ENOSF1: variants seen among roughly 807,000 people sequenced by gnomAD.
ENOSF1 encodes mitochondrial enolase superfamily member 1.
ENOSF1 carries 73 observed loss-of-function variants against 68.2 expected under a neutral mutation model. That is an observed-to-expected ratio of 1.07 (90% confidence interval 0.89 to 1.30). The LOEUF (loss-of-function observed/expected upper bound fraction) is 1.30. Ranked by LOEUF, ENOSF1 falls within the 50% of genes most tolerant of loss-of-function variation. ENOSF1 has a pLI of 0.00. For missense variants in ENOSF1, 589 were observed against 554.5 expected (o/e 1.06, Z -0.62); for synonymous variants, 223 against 210.4 (o/e 1.06, Z -0.52).
At chr18:668,848 A>C (rs993424097), downstream of ENOSF1, among the ~76,000 whole-genome samples, 24 of 152,108 alleles carry the variant, frequency 1.6e-4, no homozygotes, top group East Asian at 1.9e-4. Flanking sequence ...GTAGAAGAGG[A>C]AAAAGACTTT....
chr18:700,235 C>T (rs921974424), intron 2 of ENOSF1, among the ~76,000 whole-genome samples: 6 of 152,144 alleles, frequency 3.9e-5, no homozygotes, highest in Non-Finnish European at 7.3e-5. Context: ...ATGGGATACA[C>T]AATCATTCTG....
In ENOSF1 at chr18:683,480, C is replaced by A. The variant is rs1030935412; in HGVS notation, c.742-100G>T. ...AAATGCTGTCACTCAGTGCCACCAACAGCTGAGTGAGACCCCCTAACGCCT... is the reference window on the plus strand; with the variant it reads ...AAATGCTGTCACTCAGTGCCACCAAAAGCTGAGTGAGACCCCCTAACGCCT... On this transcript the variant is annotated intron_variant, in intron 10 of 15. Coordinates refer to ENST00000647584, the MANE Select transcript of ENOSF1 (RefSeq NM_017512.7). The A allele has an allele frequency of 1.6e-5, 22 of 1,410,310 alleles. No individual in the cohort carries two copies. In the East Asian group the frequency reaches 1.6e-4, roughly 10 times the overall value. The allele number at this position is 1,410,310 out of a possible 1,614,324, so 87.4% of individuals were successfully genotyped here. A position where few individuals can be genotyped will look rare whatever the true frequency, so the allele number is the denominator to read the frequency against.
In ENOSF1 at chr18:672,234, C is replaced by CA. The variant is rs1281948552; in HGVS notation, c.*2070dup. ...TTCATGAGCCTTAAGGAAAAAAACT[C>CA]AGAACCAGACACTTTTTAGCCCCTT... On this transcript the variant is annotated 3_prime_UTR_variant, in exon 16 of 16. Coordinates refer to ENST00000647584, the MANE Select transcript of ENOSF1 (RefSeq NM_017512.7). 2.0e-5 allele frequency: 3 copies of CA among 152,284 alleles called. No individual in the cohort carries two copies. The East Asian group carries it at 5.8e-4, about 29-fold the overall frequency. 9.4% of individuals were successfully genotyped at this position (152,284 alleles called of 1,614,324 possible).
chr18:683,185 A>G (rs1307826078), intron 11 of ENOSF1, 61 bp downstream of exon 11: 4 of 1,603,480 alleles, frequency 2.5e-6, no homozygotes, highest in Non-Finnish European at 3.4e-6. Flanking sequence ...ATCTGTCCCC[A>G]GCACTCTGGA....
chr18:696,208 T>C (rs1168546566), intron 3 of ENOSF1, among the ~76,000 whole-genome samples: 3 of 140,940 alleles, frequency 2.1e-5, no homozygotes, highest in East Asian at 2.1e-4. Flanking sequence ...CTCTCTCTTT[T>C]TTTTTTTTTT....
chr18:671,308 CTAA>C lies in ENOSF1; in HGVS notation c.*2994_*2996del. Reference sequence around the variant, plus strand: ...AAAAGCCTTGCGGTGTCTGCATATTCTAATGTTTTTAAATGATGTTTTAAAGAA... The same window carrying C: ...AAAAGCCTTGCGGTGTCTGCATATTCTGTTTTTAAATGATGTTTTAAAGAA... On this transcript the variant is annotated 3_prime_UTR_variant, in exon 16 of 16. Transcript: ENST00000647584. The C allele has an allele frequency of 9.8e-7, 1 of 1,025,476 alleles. No homozygotes were observed. The highest frequency in any genetic ancestry group is 1.5e-6 in the Non-Finnish European group (1 of 646,952). 63.5% of individuals were successfully genotyped at this position (1,025,476 alleles called of 1,614,324 possible).
Position 712,510 on chromosome 18 carries a change from G to T in ENOSF1, c.78C>A (p.Asp26Glu), listed in dbSNP as rs1013489148. 3.9e-6 allele frequency: 6 copies of T among 1,538,308 alleles called. No homozygotes were observed. The highest frequency in any genetic ancestry group is 1.4e-5 in the African/African-American group (1 of 72,904). ...FPTSLGGHGA[D>E]AMHTDPDYSA... The stretch of plus-strand genomic sequence containing the variant: ...CCATGGCGTCCGCGCTTACCATGGC[G>T]TCCGCGCCGTGGCCCCCAAGCGACG... The change falls in exon 1 of 16, where the codon GAC becomes GAA. Residue 26 changes from aspartate (D) to glutamate (E), a missense_variant. By Grantham distance (45) the Asp-to-Glu change is conservative. Coordinates refer to ENST00000647584, the MANE Select transcript of ENOSF1 (RefSeq NM_017512.7).
In ENOSF1 at chr18:671,000, A is replaced by G. The variant is rs996395178; in HGVS notation, c.*3305T>C. The G allele has an allele frequency of 6.0e-5, 65 of 1,080,572 alleles. No homozygotes were observed. The highest frequency in any genetic ancestry group is 7.8e-5 in the East Asian group (3 of 38,562). 66.9% of individuals were successfully genotyped at this position (1,080,572 alleles called of 1,614,324 possible). On this transcript the variant is annotated 3_prime_UTR_variant, in exon 16 of 16. Transcript: ENST00000647584. ...TTTGATATGTGTAAGTAAGAAATGA[A>G]CCAGCTTTTACTTTGAAACCTTCCT...
At chr18:680,564 C>T (rs1408001179) in intron 11 of ENOSF1, among the ~76,000 whole-genome samples, 1 of 152,082 alleles carries the variant, frequency 6.6e-6, no homozygotes, top group Admixed American at 6.6e-5. Flanking sequence ...CCCATCCCTG[C>T]CTGGGTTTCT....
intron 5 of ENOSF1, 52 bp from the exon 6 acceptor site, chr18:691,328 A>T: frequency 6.8e-7 from 1 of 1,473,346 alleles, no homozygotes; most frequent in Non-Finnish European, 9.3e-7. Flanking sequence ...AAGGTGGGTT[A>T]TATTTTGTTT....
At chr18:667,471 ATGGTGATGGTGATGGTGATGGT>A (rs2074873609), downstream of ENOSF1, among the ~76,000 whole-genome samples, 6 of 16,566 alleles carry the variant, frequency 3.6e-4, 1 homozygote, top group Admixed American at 7.5e-4. Flanking sequence ...GGAGATGGTG[ATGGTGATGGTGATGGTGATGGT>A]GATGGAGATG....
intron 5 of ENOSF1, chr18:693,186 A>T: frequency 1.6e-6 from 2 of 1,289,140 alleles, no homozygotes; most frequent in Non-Finnish European, 2.0e-6. Context: ...CTGCTATGAA[A>T]AGGTCAAGGA....
chr18:708,524 G>T (rs1225265503), intron 1 of ENOSF1, among the ~76,000 whole-genome samples: 1 of 151,982 alleles, frequency 6.6e-6, no homozygotes, highest in Non-Finnish European at 1.5e-5. Flanking sequence ...TAAATAAAAA[G>T]ACATGGTTAA....
rs2075220352 is a variant in ENOSF1, at chr18:674,051, A to G, written c.*254T>C. ...CTAGGTGCCAGCCCTTGATATAGCT[A>G]TTTTTGTAAGAACATCCTCCTGGAC... On this transcript the variant is annotated 3_prime_UTR_variant, in exon 16 of 16. Coordinates refer to ENST00000647584, the MANE Select transcript of ENOSF1 (RefSeq NM_017512.7). 5 of 328,034 alleles carry G rather than the reference A, an allele frequency of 1.5e-5. No individual in the cohort carries two copies. In the South Asian group the frequency reaches 2.9e-4, roughly 19 times the overall value. 20.3% of individuals were successfully genotyped at this position (328,034 alleles called of 1,614,324 possible).
At chr18:681,468 T>A (rs1476921687) in intron 11 of ENOSF1, among the ~76,000 whole-genome samples, 2 of 152,192 alleles carry the variant, frequency 1.3e-5, no homozygotes, top group African/African-American at 4.8e-5. Flanking sequence ...CAGCTGGCAT[T>A]CAGCAGGGCA....
In ENOSF1 at chr18:670,762, C is replaced by A. The variant is rs752443452; in HGVS notation, c.*3543G>T. ...TCTATGTGGTGAACAGTGAGCTGTC[C>A]TGCCAGCTGTACCAGAGATCGGGAG... is the stretch of plus-strand genomic sequence containing the variant. On this transcript the variant is annotated 3_prime_UTR_variant, in exon 16 of 16. Transcript: ENST00000647584. The A allele has an allele frequency of 6.2e-7, 1 of 1,614,200 alleles. No homozygotes were observed. The highest frequency in any genetic ancestry group is 8.5e-7 in the Non-Finnish European group (1 of 1,180,044).
Position 712,538 on chromosome 18 carries a change from G to C in ENOSF1, c.50C>G (p.Pro17Arg). 1 of 1,540,200 alleles carries C rather than the reference G, an allele frequency of 6.5e-7. No homozygotes were observed. Among genetic ancestry groups the C allele is most frequent in the Non-Finnish European group, 8.7e-7 (1 of 1,146,576 alleles). The part of the protein sequence containing the change: ...SRLSVRDVRF[P>R]TSLGGHGADA... The stretch of plus-strand genomic sequence containing the variant: ...CGCGCCGTGGCCCCCAAGCGACGTG[G>C]GGAAGCGCACGTCCCGGACCGAGAG... Residue 17 changes from proline (P) to arginine (R), a missense_variant, in exon 1 of 16, where the codon CCC becomes CGC. Transcript: ENST00000647584.
chr18:691,102 T>C lies in ENOSF1; in HGVS notation c.501A>G (p.Ile167Met). ...DVLTEEDALEILQKGQIGKKE... is the reference protein window; with the variant it reads ...DVLTEEDALEMLQKGQIGKKE... ...TTTTACCAATTTGACCTTTCTGCAGTATTTCTGGAAGAAATAAAAAGCATC... is the reference window on the plus strand; with the variant it reads ...TTTTACCAATTTGACCTTTCTGCAGCATTTCTGGAAGAAATAAAAAGCATC... Residue 167 changes from isoleucine (I) to methionine (M), a missense_variant, in exon 7 of 16, where the codon ATA becomes ATG. Transcript: ENST00000647584. 6.2e-7 allele frequency: 1 copy of C among 1,614,212 alleles called. No individual in the cohort carries two copies. Among genetic ancestry groups the C allele is most frequent in the Non-Finnish European group, 8.5e-7 (1 of 1,180,020 alleles).
chr18:685,506 G>C (rs182046054), intron 10 of ENOSF1, among the ~76,000 whole-genome samples: 3 of 152,220 alleles, frequency 2.0e-5, no homozygotes, highest in Admixed American at 6.5e-5. Context: ...GTAAGAACTG[G>C]TTTATAAAAA....
Sources: gnomAD v4.1 joint callset for allele counts (sites outside exome capture counted in the v4.1 genomes callset) on GRCh38, gnomAD v4.1.1 for gene constraint, MANE v1.5 for transcripts, NCBI Gene and HGNC (gene_info 2026-07-23, HGNC 2026-07-21) for gene names.